Variants in KIAA1217 observed in about 807,000 individuals in gnomAD.
The protein encoded by KIAA1217 is KIAA1217, also known as sickle tail protein homolog.
KIAA1217 carries 88 observed loss-of-function variants against 163.9 expected under a neutral mutation model. That is an observed-to-expected ratio of 0.54 (90% CI 0.45 to 0.64). KIAA1217 has a LOEUF of 0.64. KIAA1217 is among the 30% of genes least tolerant of loss of function. The pLI is 0.00. For synonymous variants in KIAA1217, 903 were observed against 923.1 expected (o/e 0.98, Z 0.39); for missense variants, 2,372 against 2,475.0 (o/e 0.96, Z 0.88).
chr10:24,356,398 G>A (rs543942424), intron 2 of KIAA1217, among the ~76,000 whole-genome samples: 13 of 152,298 alleles, frequency 8.5e-5, no homozygotes, highest in Non-Finnish European at 1.8e-4. Context: ...CTTCCCATGG[G>A]TATTTAGAGA....
At chr10:23,893,344 T>A (rs964296013) in intron 1 of KIAA1217, among the ~76,000 whole-genome samples, 11 of 152,092 alleles carry the variant, frequency 7.2e-5, no homozygotes, top group Non-Finnish European at 1.5e-4. Flanking sequence ...GATATCCCCT[T>A]TATCATTTTT....
intron 2 of KIAA1217, among the ~76,000 whole-genome samples, chr10:24,235,862 A>G (rs1396477391): frequency 3.3e-5 from 5 of 152,130 alleles, no homozygotes; most frequent in African/African-American, 1.2e-4. Flanking sequence ...CATCTACTAA[A>G]TAAATCCTTT....
At chr10:23,976,862 C>A (rs1845564546) in intron 1 of KIAA1217, among the ~76,000 whole-genome samples, 1 of 152,150 alleles carries the variant, frequency 6.6e-6, no homozygotes, top group Non-Finnish European at 1.5e-5. Flanking sequence ...ATGAAATATA[C>A]TTTACTTTGC....
At chr10:24,277,813 G>A (rs1049098296) in intron 2 of KIAA1217, among the ~76,000 whole-genome samples, 1 of 152,084 alleles carries the variant, frequency 6.6e-6, no homozygotes, top group African/African-American at 2.4e-5. Flanking sequence ...TGTCCTAATC[G>A]CAGCATGAGA....
chr10:23,871,625 T>A (rs946221842), intron 1 of KIAA1217, among the ~76,000 whole-genome samples: 2 of 151,160 alleles, frequency 1.3e-5, no homozygotes, highest in African/African-American at 4.8e-5. Flanking sequence ...CCCAAACATC[T>A]CCCCCTTCTA....
chr10:24,491,286 C>CTTTTTTTTTTTTTT (rs1169407580), intron 6 of KIAA1217, among the ~76,000 whole-genome samples: 3 of 114,738 alleles, frequency 2.6e-5, no homozygotes, highest in African/African-American at 3.5e-5. Flanking sequence ...TTTTTTTTTC[C>CTTTTTTTTTTTTTT]TTTTTTTTTT....
chr10:23,966,698 G>A (rs1248741583), intron 1 of KIAA1217, among the ~76,000 whole-genome samples: 1 of 152,218 alleles, frequency 6.6e-6, no homozygotes, highest in Non-Finnish European at 1.5e-5. Context: ...CAGAGAAAGA[G>A]GAAGAAGACT....
chr10:24,288,376 G>A (rs535769054), intron 2 of KIAA1217, among the ~76,000 whole-genome samples: 18 of 152,246 alleles, frequency 1.2e-4, no homozygotes, highest in South Asian at 4.1e-4. Context: ...ACTATTTAGC[G>A]CAGTCCATAC....
At chr10:23,715,188 A>T (rs933966831) in intron 1 of KIAA1217, among the ~76,000 whole-genome samples, 8 of 152,190 alleles carry the variant, frequency 5.3e-5, no homozygotes, top group African/African-American at 1.9e-4. Flanking sequence ...CTCTTACTCC[A>T]TGGTGAGCTT....
At chr10:24,534,328 A>G (rs892664021) in intron 16 of KIAA1217, among the ~76,000 whole-genome samples, 9 of 152,332 alleles carry the variant, frequency 5.9e-5, no homozygotes, top group South Asian at 2.1e-4. Context: ...CCCGCAACCA[A>G]TCAGGCTATT....
At chr10:24,394,675 A>G (rs1223578291) in intron 3 of KIAA1217, among the ~76,000 whole-genome samples, 1 of 151,936 alleles carries the variant, frequency 6.6e-6, no homozygotes, top group Non-Finnish European at 1.5e-5. Context: ...ACACCCAGCC[A>G]CCCCGGACTC....
chr10:24,054,932 C>T (rs570912683), intron 2 of KIAA1217, among the ~76,000 whole-genome samples: 22 of 152,152 alleles, frequency 1.4e-4, no homozygotes, highest in African/African-American at 5.3e-4. Flanking sequence ...TGTCCTTAAC[C>T]AAAATTTTGT....
At chr10:23,934,909 G>A (rs980333584) in intron 1 of KIAA1217, among the ~76,000 whole-genome samples, 5 of 151,744 alleles carry the variant, frequency 3.3e-5, no homozygotes, top group Admixed American at 1.3e-4. Context: ...GAGCCACCGC[G>A]CCTAGCCAAA....
chr10:23,800,517 T>C (rs1836420477), intron 1 of KIAA1217, among the ~76,000 whole-genome samples: 1 of 152,098 alleles, frequency 6.6e-6, no homozygotes, highest in Admixed American at 6.5e-5. Context: ...GCCCTGTGCC[T>C]GAGTAGCTGC....
intron 2 of KIAA1217, among the ~76,000 whole-genome samples, chr10:24,056,841 T>A (rs760521884): frequency 2.5e-4 from 38 of 152,158 alleles, no homozygotes; most frequent in Non-Finnish European, 5.1e-4. Context: ...AAAGAACAGA[T>A]TCTAGAAATA....
At chr10:24,336,066 C>T (rs749684250) in intron 2 of KIAA1217, among the ~76,000 whole-genome samples, 1 of 152,160 alleles carries the variant, frequency 6.6e-6, no homozygotes, top group African/African-American at 2.4e-5. Flanking sequence ...CATGGTGAAA[C>T]CCTGTCTCTA....
At chr10:24,190,505 C>T (rs1306306004) in intron 2 of KIAA1217, among the ~76,000 whole-genome samples, 1 of 152,116 alleles carries the variant, frequency 6.6e-6, no homozygotes, top group East Asian at 1.9e-4. Context: ...GGTCAGCAGC[C>T]CTAAATTCCC....
intron 2 of KIAA1217, among the ~76,000 whole-genome samples, chr10:24,111,656 G>A (rs140885807): frequency 5.3e-5 from 8 of 152,284 alleles, no homozygotes; most frequent in South Asian, 2.1e-4. Context: ...ACGCTTGTCC[G>A]TTGCTGATGG....
intron 1 of KIAA1217, among the ~76,000 whole-genome samples, chr10:23,953,099 C>T (rs1276039270): frequency 6.6e-6 from 1 of 152,152 alleles, no homozygotes; most frequent in Non-Finnish European, 1.5e-5. Flanking sequence ...TTTTAAAGGA[C>T]TAACTTTAGA....
Sources: gnomAD v4.1 joint callset for allele counts (sites outside exome capture counted in the v4.1 genomes callset) on GRCh38, gnomAD v4.1.1 for gene constraint, MANE v1.5 for transcripts, NCBI Gene and HGNC (gene_info 2026-07-23, HGNC 2026-07-21) for gene names.